Variants in CACNA2D3 observed in about 807,000 individuals in gnomAD.
CACNA2D3 encodes the protein calcium voltage-gated channel auxiliary subunit alpha2delta 3, also known as voltage-dependent calcium channel subunit alpha-2/delta-3.
CACNA2D3 carries 60 observed loss-of-function variants against 160.6 expected under a neutral mutation model. The observed-to-expected ratio is 0.37, with a 90% CI of 0.30 to 0.46. CACNA2D3 has a LOEUF of 0.46. CACNA2D3 is among the 20% of genes least tolerant of loss of function. The pLI, the probability that CACNA2D3 is intolerant of heterozygous loss-of-function variation, is 1.00. For missense variants in CACNA2D3, 1,205 were observed against 1,365.0 expected (o/e 0.88, Z 1.85); for synonymous variants, 558 against 492.9 (o/e 1.13, Z -1.75).
At chr3:54,685,014 T>C (rs1700423816) in intron 11 of CACNA2D3, among the ~76,000 whole-genome samples, 1 of 152,148 alleles carries the variant, frequency 6.6e-6, no homozygotes, top group Admixed American at 6.5e-5. Flanking sequence ...TTTGATTAAA[T>C]GTCACCTTAC....
At chr3:54,900,710 T>C (rs1347990841) in intron 27 of CACNA2D3, among the ~76,000 whole-genome samples, 2 of 152,232 alleles carry the variant, frequency 1.3e-5, no homozygotes, top group Admixed American at 6.5e-5. Context: ...CCTCAATAAG[T>C]TGTACTTTAG....
chr3:54,735,806 T>C (rs1352510514), intron 11 of CACNA2D3, among the ~76,000 whole-genome samples: 1 of 151,518 alleles, frequency 6.6e-6, no homozygotes, highest in Non-Finnish European at 1.5e-5. Flanking sequence ...GGAATTTTTT[T>C]CTTCAAAATA....
chr3:54,933,060 CCTTCCTT>C (rs1559635648), intron 27 of CACNA2D3, among the ~76,000 whole-genome samples: 3 of 7,594 alleles, frequency 4.0e-4, no homozygotes, highest in Non-Finnish European at 5.1e-4. Flanking sequence ...TCCCTTCCTT[CCTTCCTT>C]CCTTCCTTCC....
rs1473806689 is a variant in CACNA2D3, at chr3:55,007,800, C to G, written c.2777C>G (p.Ala926Gly). The G allele has an allele frequency of 6.4e-7, 1 of 1,557,892 alleles. No homozygotes were observed. The highest frequency in any genetic ancestry group is 8.7e-7 in the Non-Finnish European group (1 of 1,154,748). The change falls in exon 33 of 38, where the codon GCC becomes GGC. Residue 926 changes from alanine to glycine, a missense_variant. Coordinates refer to ENST00000474759, the MANE Select transcript of CACNA2D3 (RefSeq NM_018398.3). Reference protein sequence around the residue: ...GAHGLLDPYNAFLSAVKWIMT... With the variant: ...GAHGLLDPYNGFLSAVKWIMT... ...AATTCTTCTCTTCAGCCTTATAATG[C>G]CTTCCTCTCTGCAGTAAAATGGATC... is the stretch of plus-strand genomic sequence containing the variant.
chr3:54,125,600 C>T (rs905104298), intron 2 of CACNA2D3, among the ~76,000 whole-genome samples: 1 of 152,144 alleles, frequency 6.6e-6, no homozygotes, highest in Non-Finnish European at 1.5e-5. Flanking sequence ...GAAATACTCA[C>T]GGCTTTGGGT....
At chr3:54,189,251 A>C (rs1286960294) in intron 2 of CACNA2D3, among the ~76,000 whole-genome samples, 1 of 152,178 alleles carries the variant, frequency 6.6e-6, no homozygotes, top group Non-Finnish European at 1.5e-5. Flanking sequence ...ATTTGCTTGG[A>C]TAGTCATAGC....
At chr3:54,171,607 T>G (rs1048609404) in intron 2 of CACNA2D3, among the ~76,000 whole-genome samples, 1 of 152,132 alleles carries the variant, frequency 6.6e-6, no homozygotes, top group Non-Finnish European at 1.5e-5. Context: ...TTAGGTAAGG[T>G]GGGACTCACA....
At chr3:54,204,796 G>GAAAAAAAAAA (rs57129457) in intron 2 of CACNA2D3, among the ~76,000 whole-genome samples, 1 of 74,056 alleles carries the variant, frequency 1.4e-5, no homozygotes, top group Non-Finnish European at 3.0e-5. Context: ...ATGCTGTCTT[G>GAAAAAAAAAA]AAAAAAAAAA....
intron 35 of CACNA2D3, among the ~76,000 whole-genome samples, chr3:55,044,507 C>A (rs1269610946): frequency 6.6e-6 from 1 of 152,060 alleles, no homozygotes; most frequent in African/African-American, 2.4e-5. Context: ...GCATCTTAGA[C>A]TATTCTATGT....
At chr3:54,141,525 G>T (rs1358037758) in intron 2 of CACNA2D3, among the ~76,000 whole-genome samples, 1 of 152,208 alleles carries the variant, frequency 6.6e-6, no homozygotes, top group African/African-American at 2.4e-5. Flanking sequence ...AGGAAGAGAA[G>T]GAGAGGCAGA....
At chr3:55,012,808 C>A (rs1246252907) in intron 34 of CACNA2D3, among the ~76,000 whole-genome samples, 1 of 152,026 alleles carries the variant, frequency 6.6e-6, no homozygotes, top group Admixed American at 6.6e-5. Context: ...GTGGCCTAGA[C>A]CAAGGGGTGC....
intron 11 of CACNA2D3, among the ~76,000 whole-genome samples, chr3:54,651,425 GAA>G (rs34876732): frequency 1.6e-3 from 218 of 135,018 alleles, no homozygotes; most frequent in Middle Eastern, 3.7e-3. Context: ...GTTATCTCGA[GAA>G]AAAAAAAAAA....
At chr3:54,945,465 A>G (rs375274752) in intron 27 of CACNA2D3, among the ~76,000 whole-genome samples, 8 of 152,302 alleles carry the variant, frequency 5.3e-5, no homozygotes, top group Admixed American at 4.6e-4. Flanking sequence ...CTAGGAGCCA[A>G]TGAGTGTCTC....
chr3:54,707,399 A>T (rs79270550), intron 11 of CACNA2D3, among the ~76,000 whole-genome samples: 1 of 152,324 alleles, frequency 6.6e-6, no homozygotes, highest in East Asian at 1.9e-4. Flanking sequence ...TAGGTAAATT[A>T]TTCAACCCTG....
At chr3:54,659,286 G>A (rs1388572716) in intron 11 of CACNA2D3, among the ~76,000 whole-genome samples, 1 of 152,124 alleles carries the variant, frequency 6.6e-6, no homozygotes, top group Non-Finnish European at 1.5e-5. Context: ...GGCACACAGT[G>A]TGCGTTCAGG....
intron 11 of CACNA2D3, among the ~76,000 whole-genome samples, chr3:54,720,789 T>G (rs1030709823): frequency 6.6e-6 from 1 of 152,138 alleles, no homozygotes; most frequent in African/African-American, 2.4e-5. Flanking sequence ...GTATACAGAT[T>G]TAAGGTTGTC....
chr3:54,999,241 T>C (rs1225994150), intron 31 of CACNA2D3, among the ~76,000 whole-genome samples: 1 of 152,154 alleles, frequency 6.6e-6, no homozygotes, highest in African/African-American at 2.4e-5. Context: ...ATTTTGAATC[T>C]TCTATTAGCA....
intron 4 of CACNA2D3, among the ~76,000 whole-genome samples, chr3:54,457,909 C>T (rs765430669): frequency 6.6e-6 from 1 of 151,930 alleles, no homozygotes; most frequent in African/African-American, 2.4e-5. Flanking sequence ...CTCCTGCTCA[C>T]GTTTAGTTTC....
chr3:54,811,477 T>A (rs1157727498), intron 13 of CACNA2D3, among the ~76,000 whole-genome samples: 126 of 6,736 alleles, frequency 0.019, 2 homozygotes, highest in African/African-American at 0.082. Context: ...TTTTTTTTTT[T>A]TTTTTTTTTT....
Sources: gnomAD v4.1 joint callset for allele counts (sites outside exome capture counted in the v4.1 genomes callset) on GRCh38, gnomAD v4.1.1 for gene constraint, MANE v1.5 for transcripts, NCBI Gene and HGNC (gene_info 2026-07-23, HGNC 2026-07-21) for gene names.